DNAH2: variants seen among roughly 807,000 people sequenced by gnomAD.
The protein encoded by DNAH2 is dynein axonemal heavy chain 2, also known as axonemal beta dynein heavy chain 2.
A neutral mutation model predicts 523.5 loss-of-function variants in DNAH2; 323 were observed. That is an observed-to-expected ratio of 0.62 (90% CI 0.56 to 0.68). The LOEUF is 0.68. Ranked by LOEUF, DNAH2 falls within the 30% of genes least tolerant of loss-of-function variation. The probability of loss-of-function intolerance (pLI) is 0.00; values close to 1 mark genes in which losing one functional copy is unlikely to be tolerated. For missense variants in DNAH2, 4,907 were observed against 5,701.5 expected, an observed-to-expected ratio of 0.86 and a Z score of 4.49; for synonymous variants, 2,093 against 2,177.4, an observed-to-expected ratio of 0.96 and a Z score of 1.08.
intron 39 of DNAH2, among the ~76,000 whole-genome samples, chr17:7,785,189 C>T (rs1213989989): frequency 2.0e-5 from 3 of 151,782 alleles, no homozygotes; most frequent in Non-Finnish European, 4.4e-5. Context: ...GCAACCTCCG[C>T]CTCCCAGGTT....
At chr17:7,739,669 A>G (rs139539738) in intron 8 of DNAH2, 64 bp from the exon 9 acceptor site, 2 of 1,483,740 alleles carry the variant, frequency 1.3e-6, no homozygotes, top group South Asian at 2.3e-5. Context: ...AAGCTAAACC[A>G]AATAGCTTAG....
At chr17:7,777,395 C>A in intron 32 of DNAH2, 51 bp from the exon 33 acceptor site, 2 of 1,603,270 alleles carry the variant, frequency 1.2e-6, no homozygotes, top group Non-Finnish European at 1.7e-6. Flanking sequence ...GTTGATCAGG[C>A]TTTGGCGGCA....
chr17:7,734,211 G>A lies in DNAH2; in HGVS notation c.657G>A (p.Thr219=), dbSNP rs533751437. ...CTCGGTACAAACTGGAGGGGCACAC[G>A]GTCCTCTACATCCCTGCAGAGGCCA... The part of the protein sequence containing the change: ...TDTRYKLEGH[T]VLYIPAEAMN... The change falls in exon 6 of 86, where the codon ACG becomes ACA. Residue 219 remains threonine, a synonymous_variant. Coordinates refer to ENST00000572933, the MANE Select transcript of DNAH2 (RefSeq NM_020877.5). The A allele has an allele frequency of 1.3e-4, 204 of 1,602,710 alleles. 1 individual carries two copies. The South Asian group carries it at 2.0e-3, about 15-fold the overall frequency.
chr17:7,805,199 T>C, intron 60 of DNAH2, 53 bp from the exon 61 acceptor site: 2 of 1,605,084 alleles, frequency 1.2e-6, no homozygotes, highest in Non-Finnish European at 1.7e-6. Context: ...CTCAGCTAGG[T>C]TCTGTCTCCA....
At chr17:7,803,338 C>T (rs1184602048) in intron 58 of DNAH2, among the ~76,000 whole-genome samples, 1 of 152,184 alleles carries the variant, frequency 6.6e-6, no homozygotes, top group Non-Finnish European at 1.5e-5. Flanking sequence ...GGAAACACTT[C>T]ACCTACTATT....
rs77695334 is a variant in DNAH2, at chr17:7,766,413, C to A, written c.3607C>A (p.Leu1203Ile). ...LMAMREEENS[L>I]RANLGIFKIE... ...GGCCATGCGGGAAGAGGAAAATAGT[C>A]TCCGAGCCAACCTGGGCATCTTCAA... The change falls in exon 22 of 86, where the codon CTC (leucine) becomes ATC (isoleucine). Residue 1203 changes from leucine to isoleucine, a missense_variant. Around this residue, in one of 3 missense-constraint regions of DNAH2, gnomAD observed 2,806 missense variants for 3,190.8 expected, o/e 0.88. Coordinates refer to ENST00000572933, the MANE Select transcript of DNAH2 (RefSeq NM_020877.5). 6,837 of 1,613,954 alleles carry A rather than the reference C, an allele frequency of 4.2e-3. 196 individuals carry two copies. In the African/African-American group the frequency reaches 0.068, roughly 16 times the overall value.
chr17:7,780,921 C>A lies in DNAH2; in HGVS notation c.6004-121C>A. The A allele has an allele frequency of 2.5e-6, 4 of 1,583,122 alleles. No homozygotes were observed. Among genetic ancestry groups the A allele is most frequent in the Non-Finnish European group, 3.4e-6 (4 of 1,161,556 alleles). The stretch of plus-strand genomic sequence containing the variant: ...CCTCGTCCCATCCCCGTGTTGCCCG[C>A]TGCTTTGCTAATGGCTAACTGGTGT... On this transcript the variant is annotated intron_variant, in intron 38 of 85. Coordinates refer to ENST00000572933, the MANE Select transcript of DNAH2 (RefSeq NM_020877.5). This position sits in a 1 kb window ranked among gnomAD's most constrained non-coding sequence, Gnocchi z 4.4.
rs753380917 is a variant in DNAH2 at position 7,798,642 on chromosome 17, C to T, written c.8483C>T (p.Ser2828Phe). ...IFVDTQIADE[S>F]FLEDINNILS... is the part of the protein sequence containing the mutation. ...GTGGACACCCAAATAGCTGATGAGT[C>T]CTTCCTAGAGGACATCAACAACATC... The change falls in exon 55 of 86, where the codon TCC (serine) becomes TTC (phenylalanine). Residue 2828 changes from serine to phenylalanine, a missense_variant. This residue lies in a region of DNAH2 where 1,851 missense variants were observed against 2,139.4 expected (regional missense o/e 0.87). Transcript: ENST00000572933. This position sits in a 1 kb window ranked among gnomAD's most constrained non-coding sequence, Gnocchi z 5.5. 2 of 1,614,130 alleles carry T rather than the reference C, an allele frequency of 1.2e-6. No individual in the cohort carries two copies. The highest frequency in any genetic ancestry group is 8.5e-7 in the Non-Finnish European group (1 of 1,180,032).
chr17:7,738,480 C>T (rs1459850773), intron 8 of DNAH2, among the ~76,000 whole-genome samples: 2 of 152,094 alleles, frequency 1.3e-5, no homozygotes, highest in Non-Finnish European at 2.9e-5. Flanking sequence ...CAGGTGCCCG[C>T]CACCATGCCA....
At chr17:7,735,792 G>A (rs990260337) in intron 7 of DNAH2, among the ~76,000 whole-genome samples, 64 of 146,664 alleles carry the variant, frequency 4.4e-4, no homozygotes, top group African/African-American at 1.6e-3. Context: ...TTGCTCTGTC[G>A]ACCAGGCTGG....
chr17:7,732,434 CAAA>C (rs796065817), intron 4 of DNAH2, among the ~76,000 whole-genome samples: 9,286 of 53,330 alleles, frequency 0.17, 154 homozygotes, highest in Non-Finnish European at 0.22. Flanking sequence ...GACTCCATCT[CAAA>C]AAAAAAAAAA....
chr17:7,728,700 A>G (rs2074898456), intron 4 of DNAH2, among the ~76,000 whole-genome samples: 1 of 152,194 alleles, frequency 6.6e-6, no homozygotes, highest in African/African-American at 2.4e-5. Flanking sequence ...ATTTTATATA[A>G]AAAAGTATCA....
intron 4 of DNAH2, among the ~76,000 whole-genome samples, chr17:7,731,903 C>G (rs2074999102): frequency 6.6e-6 from 1 of 151,750 alleles, no homozygotes; most frequent in Non-Finnish European, 1.5e-5. Context: ...GTGGCACATG[C>G]TTGTAATCCT....
chr17:7,762,445 C>T (rs919983774), intron 18 of DNAH2, among the ~76,000 whole-genome samples: 1 of 150,748 alleles, frequency 6.6e-6, no homozygotes, highest in Non-Finnish European at 1.5e-5. Flanking sequence ...ATGCCATTCT[C>T]CTGCCTCAGC....
intron 3 of DNAH2, among the ~76,000 whole-genome samples, chr17:7,724,675 T>C (rs2074737436): frequency 6.6e-6 from 1 of 151,884 alleles, no homozygotes; most frequent in Admixed American, 6.6e-5. Context: ...TTGATATATC[T>C]TTTACTTTTG....
At position 7,788,130 on chromosome 17, in the gene DNAH2, C is replaced by G; in HGVS notation, c.6786C>G (p.Asn2262Lys). 1 of 1,614,226 alleles carries G rather than the reference C, an allele frequency of 6.2e-7. No individual in the cohort carries two copies. The highest frequency in any genetic ancestry group is 1.3e-5 in the African/African-American group (1 of 75,052). ...AACGCATGTTCGAAAAGCTCATCAA[C>G]AAGATGCTGGCCTTTAAGAAGGACA... ...PLQRMFEKLI[N>K]KMLAFKKDNC... Residue 2262 changes from asparagine to lysine, a missense_variant, in exon 44 of 86, where the codon AAC becomes AAG. This residue lies in a region of DNAH2 where 2,806 missense variants were observed against 3,190.8 expected (regional missense o/e 0.88). Coordinates refer to ENST00000572933, the MANE Select transcript of DNAH2 (RefSeq NM_020877.5).
chr17:7,792,132 T>A (rs936395470), intron 45 of DNAH2, 63 bp downstream of exon 45: 1 of 1,604,758 alleles, frequency 6.2e-7, no homozygotes, highest in African/African-American at 1.3e-5. Context: ...GCATCCCCCA[T>A]CTCAGGCTCT....
At chr17:7,722,055 A>G (rs1297077907) in intron 2 of DNAH2, among the ~76,000 whole-genome samples, 1 of 152,094 alleles carries the variant, frequency 6.6e-6, no homozygotes, top group Non-Finnish European at 1.5e-5. Flanking sequence ...CTGGAGTGCA[A>G]TGGCGTGATC....
chr17:7,740,660 C>G (rs745660158), intron 10 of DNAH2, 111 bp downstream of exon 10: 343 of 1,544,282 alleles, frequency 2.2e-4, no homozygotes, highest in Non-Finnish European at 2.9e-4. Context: ...GTCCAGCATT[C>G]GGGCGCCTCT....
Sources: gnomAD v4.1 joint callset for allele counts (sites outside exome capture counted in the v4.1 genomes callset) on GRCh38, gnomAD v4.1.1 for gene constraint, gnomAD v4.1.1 regional missense constraint, Gnocchi (gnomAD v3.1) non-coding constraint, MANE v1.5 for transcripts, NCBI Gene and HGNC (gene_info 2026-07-23, HGNC 2026-07-21) for gene names.